The following RUNX2 variants were observed in gnomAD, a reference collection of about 807,000 sequenced individuals.
RUNX2 encodes RUNX family transcription factor 2, also known as runt-related transcription factor 2.
Under a neutral mutation model 51.7 loss-of-function variants are expected in RUNX2, and 10 were observed. The ratio of observed to expected loss-of-function variants is 0.19; its 90% CI spans 0.12 to 0.33. The LOEUF is 0.33. Among genes scored for constraint, RUNX2 ranks in the 10% least tolerant of loss-of-function variants. The probability of loss-of-function intolerance (pLI) is 1.00; values close to 1 mark genes in which losing one functional copy is unlikely to be tolerated. For synonymous variants in RUNX2, 276 were observed against 273.6 expected, an observed-to-expected ratio of 1.01 and a Z score of -0.09; for missense variants, 562 against 691.3, an observed-to-expected ratio of 0.81 and a Z score of 2.10.
chr6:45,460,871 T>C (rs1330066272), intron 5 of RUNX2, among the ~76,000 whole-genome samples: 1 of 152,144 alleles, frequency 6.6e-6, no homozygotes, highest in Non-Finnish European at 1.5e-5. Flanking sequence ...CTACCTATAA[T>C]GGTTATTTTA....
chr6:45,395,968 A>C (rs1057267832), intron 2 of RUNX2, among the ~76,000 whole-genome samples: 1 of 152,164 alleles, frequency 6.6e-6, no homozygotes, highest in Non-Finnish European at 1.5e-5. Context: ...ACCAGCCTTA[A>C]CCCAAAACAT....
In RUNX2 at chr6:45,547,137, T is replaced by C. The variant is rs1456332509; in HGVS notation, c.1398T>C (p.Pro466=). 2 of 1,614,124 alleles carry C rather than the reference T, an allele frequency of 1.2e-6. No individual in the cohort carries two copies. The highest frequency in any genetic ancestry group is 1.1e-5 in the South Asian group (1 of 91,070). Residue 466 remains proline (P), a synonymous_variant, in exon 9 of 9, where the codon CCT becomes CCC. Transcript: ENST00000647337. ...FPMVPGGDRS[P]SRMLPPCTTT... ...TGGTGCCGGGGGGAGACCGGTCTCCTTCCAGAATGCTTCCGCCATGCACCA... is the reference window on the plus strand; with the variant it reads ...TGGTGCCGGGGGGAGACCGGTCTCCCTCCAGAATGCTTCCGCCATGCACCA...
Position 45,505,232 on chromosome 6 carries a change from C to T in RUNX2, c.860-7014C>T, listed in dbSNP as rs531220100. 4.6e-5 allele frequency among the ~76,000 whole-genome samples: 7 copies of T among 152,294 alleles called. No homozygotes were observed. In the East Asian group the frequency reaches 1.3e-3, roughly 29 times the overall value. ...AAAGGAGCCTTGCTAATAGCAGCTG[C>T]CTTGTTTCCAGCATACCTTTGGGCT... is the stretch of plus-strand genomic sequence containing the variant. On this transcript the variant is annotated intron_variant, in intron 6 of 8. Coordinates refer to ENST00000647337, the MANE Select transcript of RUNX2 (RefSeq NM_001024630.4).
At chr6:45,365,369 A>G in intron 2 of RUNX2, 1 of 1,067,042 alleles carries the variant, frequency 9.4e-7, no homozygotes, top group Non-Finnish European at 1.4e-6. Flanking sequence ...AAAAAAAAGA[A>G]AGCAAATATA....
intron 2 of RUNX2, among the ~76,000 whole-genome samples, chr6:45,359,971 T>C (rs1017253663): frequency 2.6e-5 from 4 of 152,244 alleles, no homozygotes; most frequent in African/African-American, 7.2e-5. Flanking sequence ...TCCTTGTTAC[T>C]AATAACCGAG....
intron 2 of RUNX2, among the ~76,000 whole-genome samples, chr6:45,413,341 C>A (rs1489517762): frequency 6.6e-6 from 1 of 151,552 alleles, no homozygotes; most frequent in Non-Finnish European, 1.5e-5. Context: ...GACACACACA[C>A]ACAATCACCC....
intron 5 of RUNX2, among the ~76,000 whole-genome samples, chr6:45,460,771 TAA>T (rs35405209): frequency 6.7e-6 from 1 of 149,468 alleles, no homozygotes; most frequent in Non-Finnish European, 1.5e-5. Context: ...CCCCAACTCT[TAA>T]AAAAAAAAGA....
intron 7 of RUNX2, among the ~76,000 whole-genome samples, chr6:45,530,244 T>A (rs1175330876): frequency 6.6e-6 from 1 of 152,202 alleles, no homozygotes; most frequent in Non-Finnish European, 1.5e-5. Context: ...AAAGGTTAAA[T>A]CTCAAACTGC....
chr6:45,497,988 G>A (rs889481791), intron 6 of RUNX2, among the ~76,000 whole-genome samples: 4 of 152,178 alleles, frequency 2.6e-5, no homozygotes, highest in Admixed American at 6.5e-5. Context: ...TAACTCATAC[G>A]TTCCTCACAA....
At chr6:45,477,471 A>G (rs976716703) in intron 5 of RUNX2, among the ~76,000 whole-genome samples, 1 of 152,076 alleles carries the variant, frequency 6.6e-6, no homozygotes, top group East Asian at 1.9e-4. Flanking sequence ...CCCCACCTCT[A>G]CTTCAACCAA....
intron 2 of RUNX2, among the ~76,000 whole-genome samples, chr6:45,341,564 C>CTA (rs1789781510): frequency 6.6e-6 from 1 of 152,136 alleles, no homozygotes; most frequent in Non-Finnish European, 1.5e-5. Context: ...TCATTAGAAA[C>CTA]ATCCACTGAA....
chr6:45,372,944 A>G lies in RUNX2; in HGVS notation c.58+44160A>G, dbSNP rs2396503. ...GCGATTCTGATGTCTCAGCCTCCCAAGTAGCAGGTGCACGCCAAGACACGC... is the reference window on the plus strand; with the variant it reads ...GCGATTCTGATGTCTCAGCCTCCCAGGTAGCAGGTGCACGCCAAGACACGC... On this transcript the variant is annotated intron_variant, in intron 2 of 8. Transcript: ENST00000647337. Among the ~76,000 whole-genome samples, 334 of 152,158 alleles carry G rather than the reference A, an allele frequency of 2.2e-3. 1 individual carries two copies. Among genetic ancestry groups the G allele is most frequent in the Middle Eastern group, 0.017 (5 of 294 alleles).
intron 2 of RUNX2, among the ~76,000 whole-genome samples, chr6:45,332,400 A>G (rs1036601192): frequency 1.3e-5 from 2 of 151,758 alleles, no homozygotes; most frequent in Non-Finnish European, 2.9e-5. Flanking sequence ...AAAAAATCCA[A>G]TGGGACTATA....
intron 3 of RUNX2, among the ~76,000 whole-genome samples, chr6:45,426,296 A>T (rs1215555887): frequency 2.0e-5 from 3 of 152,190 alleles, no homozygotes; most frequent in South Asian, 2.1e-4. Flanking sequence ...TTTCAGGTGT[A>T]TCTCACTGAA....
intron 5 of RUNX2, among the ~76,000 whole-genome samples, chr6:45,477,548 G>A (rs1799990218): frequency 6.6e-6 from 1 of 152,126 alleles, no homozygotes; most frequent in African/African-American, 2.4e-5. Flanking sequence ...GTTCACCCAG[G>A]TGACCAAACC....
At chr6:45,523,992 T>C (rs954652506) in intron 7 of RUNX2, among the ~76,000 whole-genome samples, 1 of 152,182 alleles carries the variant, frequency 6.6e-6, no homozygotes, top group Non-Finnish European at 1.5e-5. Context: ...AAAGCTTTTT[T>C]CTAATTAAAA....
In RUNX2 at chr6:45,535,830, G is replaced by A. The variant is rs771956948; in HGVS notation, c.1022-9387G>A. Among the ~76,000 whole-genome samples the A allele has an allele frequency of 1.5e-3, 232 of 152,144 alleles. 1 individual carries two copies. The highest frequency in any genetic ancestry group is 3.4e-3 in the Middle Eastern group (1 of 294). On this transcript the variant is annotated intron_variant, in intron 7 of 8. Transcript: ENST00000647337. ...GAGGGGCCAATGTAAACCCAGGCAG[G>A]AAGGTGGGAAAAGGTAGGGTAGCAC...
intron 5 of RUNX2, among the ~76,000 whole-genome samples, chr6:45,471,292 A>G (rs1799792361): frequency 6.6e-6 from 1 of 152,176 alleles, no homozygotes; most frequent in African/African-American, 2.4e-5. Flanking sequence ...CTTCCTAACA[A>G]AGTGCTAGCG....
chr6:45,362,609 T>C (rs1032825430), intron 2 of RUNX2, among the ~76,000 whole-genome samples: 1 of 152,158 alleles, frequency 6.6e-6, no homozygotes, highest in Non-Finnish European at 1.5e-5. Context: ...TTCCCTGTTC[T>C]ATAAAGAAAT....
Sources: gnomAD v4.1 joint callset for allele counts (sites outside exome capture counted in the v4.1 genomes callset) on GRCh38, gnomAD v4.1.1 for gene constraint, MANE v1.5 for transcripts, NCBI Gene and HGNC (gene_info 2026-07-23, HGNC 2026-07-21) for gene names.